Variants in PDXDC1 observed in about 807,000 individuals in gnomAD.
The protein encoded by PDXDC1 is pyridoxal-dependent decarboxylase domain-containing protein 1.
Under a neutral mutation model 100.1 loss-of-function variants are expected in PDXDC1, and 42 were observed. The observed-to-expected ratio is 0.42, with a 90% CI of 0.33 to 0.54. PDXDC1 has a LOEUF of 0.54. Among genes scored for constraint, PDXDC1 ranks in the 20% least tolerant of loss-of-function variants. The probability of loss-of-function intolerance (pLI) is 0.10; values close to 1 mark genes in which losing one functional copy is unlikely to be tolerated. For missense variants in PDXDC1, 636 were observed against 979.2 expected, an observed-to-expected ratio of 0.65 and a Z score of 4.68; for synonymous variants, 260 against 371.7, an observed-to-expected ratio of 0.70 and a Z score of 3.46.
At chr16:14,996,525 T>C (rs1972011628) in intron 1 of PDXDC1, 1 of 180,900 alleles carries the variant, frequency 5.5e-6, no homozygotes, top group Non-Finnish European at 1.1e-5. Flanking sequence ...TCCCTAAACA[T>C]AACTACAGAG....
At chr16:15,094,491 G>C (rs1598036761) in intron 16 of PDXDC1, 1 of 545,520 alleles carries the variant, frequency 1.8e-6, no homozygotes, top group East Asian at 3.3e-5. Context: ...CAGCCCTGAG[G>C]ATCCCGAAGA....
At chr16:15,086,327 A>G (rs758117477) in intron 16 of PDXDC1, 2 of 1,611,374 alleles carry the variant, frequency 1.2e-6, no homozygotes, top group South Asian at 1.1e-5. Context: ...CAAAGTTCTG[A>G]ATTACATACT....
chr16:15,089,414 C>A (rs1347176491), intron 16 of PDXDC1, among the ~76,000 whole-genome samples: 1 of 152,078 alleles, frequency 6.6e-6, no homozygotes, highest in African/African-American at 2.4e-5. Flanking sequence ...GGAGATCACA[C>A]AGAAGAATCA....
chr16:15,131,500 G>C, intron 16 of PDXDC1: 2 of 1,607,414 alleles, frequency 1.2e-6, no homozygotes, highest in Middle Eastern at 2.3e-4. Context: ...CAGGCTCCGC[G>C]GGTCCGAGCG....
At chr16:15,025,065 C>A (rs1341941146) in intron 13 of PDXDC1, among the ~76,000 whole-genome samples, 1 of 152,296 alleles carries the variant, frequency 6.6e-6, no homozygotes, top group East Asian at 1.9e-4. Context: ...TGTGGATTCA[C>A]CTTTTTTTGG....
intron 16 of PDXDC1, chr16:15,136,269 CCA>C: frequency 1.6e-6 from 1 of 614,602 alleles, no homozygotes. Context: ...AGAGCAGGGC[CCA>C]CCACCCCAGG....
intron 16 of PDXDC1, chr16:15,131,781 C>T (rs2966126): frequency 1.4e-3 from 95 of 67,788 alleles, no homozygotes; most frequent in Admixed American, 2.0e-3. Context: ...AAGGGGGAGC[C>T]GGAGGGTGGG....
chr16:15,073,271 G>A (rs1371207451), intron 16 of PDXDC1, among the ~76,000 whole-genome samples: 2 of 152,104 alleles, frequency 1.3e-5, no homozygotes, highest in Admixed American at 1.3e-4. Flanking sequence ...GCAGCCTGGG[G>A]AACACAGGGA....
the PDXDC1 span, among the ~76,000 whole-genome samples, chr16:15,146,765 AG>A: frequency 6.6e-6 from 1 of 152,058 alleles, no homozygotes; most frequent in Non-Finnish European, 1.5e-5. Flanking sequence ...CATGGAGGAC[AG>A]GGGAATGGGC....
intron 19 of PDXDC1, chr16:15,034,082 G>T: frequency 1.7e-6 from 1 of 593,204 alleles, no homozygotes; most frequent in South Asian, 2.1e-5. Context: ...AGCAAATGAG[G>T]CTGGTCACCA....
intron 16 of PDXDC1, among the ~76,000 whole-genome samples, chr16:15,056,614 A>T (rs2044535138): frequency 6.6e-6 from 1 of 152,036 alleles, no homozygotes. Context: ...ACCCTCCCCC[A>T]TACCCTCGTC....
In PDXDC1 at chr16:15,031,862, C is replaced by T; in HGVS notation, c.1527C>T (p.Leu509=). The T allele has an allele frequency of 6.2e-7, 1 of 1,613,830 alleles. No individual in the cohort carries two copies. The highest frequency in any genetic ancestry group is 2.2e-5 in the East Asian group (1 of 44,874). The change falls in exon 17 of 23, where the codon CTC becomes CTT. Residue 509 remains leucine (L), a synonymous_variant. Coordinates refer to ENST00000396410, the MANE Select transcript of PDXDC1 (RefSeq NM_015027.4). ...FKQEVEATAG[L]LYVDDPNWSG... ...AGGAAGTGGAAGCAACAGCAGGTCT[C>T]CTATATGTTGATGACCCTAACTGGT...
At position 15,037,722 on chromosome 16, in the gene PDXDC1, G is replaced by GACTT. The variant is rs1179839052; in HGVS notation, c.*1450_*1453dup. The GACTT allele has an allele frequency of 2.9e-5, 7 of 239,346 alleles. No individual in the cohort carries two copies. Among genetic ancestry groups the GACTT allele is most frequent in the Admixed American group, 5.4e-5 (1 of 18,438 alleles). 14.8% of individuals were successfully genotyped at this position (239,346 alleles called of 1,614,324 possible). On this transcript the variant is annotated 3_prime_UTR_variant, in exon 23 of 23. Transcript: ENST00000396410. ...TCAGTTTATAAATCTTATTACAAAA[G>GACTT]ACTTACCCACGTACCTGAAATAGCT...
intron 14 of PDXDC1, among the ~76,000 whole-genome samples, chr16:15,028,306 C>T (rs2042782159): frequency 6.6e-6 from 1 of 152,302 alleles, no homozygotes; most frequent in South Asian, 2.1e-4. Flanking sequence ...TCGGTCTCCA[C>T]TAAGTATCCA....
intron 19 of PDXDC1, among the ~76,000 whole-genome samples, chr16:15,033,796 A>G (rs1339128590): frequency 2.0e-5 from 3 of 152,280 alleles, no homozygotes; most frequent in Admixed American, 6.5e-5. Flanking sequence ...CCCCTTCCCT[A>G]TAGCACTTCC....
chr16:15,104,836 C>T, intron 16 of PDXDC1: 2 of 1,510,084 alleles, frequency 1.3e-6, no homozygotes, highest in South Asian at 1.3e-5. Context: ...ACAGTCTGCA[C>T]CTTCTGTTGC....
intron 16 of PDXDC1, chr16:15,072,896 T>G (rs2045296888): frequency 8.2e-6 from 13 of 1,592,820 alleles, no homozygotes; most frequent in Non-Finnish European, 1.1e-5. Context: ...TTAGGGAAAA[T>G]TTTTGGGCAA....
chr16:15,148,564 T>G, the PDXDC1 span, among the ~76,000 whole-genome samples: 1 of 150,668 alleles, frequency 6.6e-6, no homozygotes, highest in Non-Finnish European at 1.5e-5. Flanking sequence ...CTTTTATTTT[T>G]TAGAGACCGG....
intron 16 of PDXDC1, among the ~76,000 whole-genome samples, chr16:15,095,804 C>A (rs192271783): frequency 2.0e-5 from 3 of 149,554 alleles, no homozygotes; most frequent in African/African-American, 7.4e-5. Context: ...GAGCCAAGAT[C>A]GTGCCATTGC....
Sources: gnomAD v4.1 joint callset for allele counts (sites outside exome capture counted in the v4.1 genomes callset) on GRCh38, gnomAD v4.1.1 for gene constraint, MANE v1.5 for transcripts, NCBI Gene and HGNC (gene_info 2026-07-23, HGNC 2026-07-21) for gene names.